The following CEMIP variants were observed in gnomAD, a reference collection of about 807,000 sequenced individuals.
The protein encoded by CEMIP is cell migration-inducing and hyaluronan-binding protein.
In CEMIP, 105 loss-of-function variants were observed where a neutral mutation model predicts 156.9. The observed-to-expected ratio is 0.67, with a 90% CI of 0.57 to 0.79. The LOEUF is 0.79. Among genes scored for constraint, CEMIP ranks in the 30% least tolerant of loss-of-function variants. The pLI is 0.00. For synonymous variants in CEMIP, 676 were observed against 668.4 expected, an observed-to-expected ratio of 1.01 and a Z score of -0.17; for missense variants, 1,457 against 1,769.4, an observed-to-expected ratio of 0.82 and a Z score of 3.17.
At chr15:80,923,996 T>G (rs1314927693) in intron 17 of CEMIP, among the ~76,000 whole-genome samples, 1 of 152,176 alleles carries the variant, frequency 6.6e-6, no homozygotes, top group Non-Finnish European at 1.5e-5. Context: ...AATCTGAGTA[T>G]GAGCATTCAC....
At chr15:80,941,510 A>G (rs1414052457) in intron 25 of CEMIP, among the ~76,000 whole-genome samples, 1 of 152,164 alleles carries the variant, frequency 6.6e-6, no homozygotes, top group Non-Finnish European at 1.5e-5. Flanking sequence ...CACTTCTCTG[A>G]GCCACCATTT....
Position 80,887,709 on chromosome 15 carries a change from T to C in CEMIP, c.813T>C (p.Phe271=), listed in dbSNP as rs767393035. The part of the protein sequence containing the change: ...LHLGFRHPWS[F]LTVKGNPSSS... The stretch of plus-strand genomic sequence containing the variant: ...TTTTTTTCAGACACCCTTGGAGTTT[T>C]CTAACTGTGAAAGGAAATCCATCAT... The change falls in exon 8 of 30, where the codon TTT becomes TTC. Residue 271 remains phenylalanine (F), a synonymous_variant. Transcript: ENST00000394685. The C allele has an allele frequency of 6.2e-7, 1 of 1,612,854 alleles. No individual in the cohort carries two copies. The highest frequency in any genetic ancestry group is 8.5e-7 in the Non-Finnish European group (1 of 1,179,754).
Position 80,937,976 on chromosome 15 carries a change from C to A in CEMIP, c.3404C>A (p.Ser1135Ter). The change falls in exon 25 of 30, where the codon TCA becomes TAA. Residue 1135 changes from serine to a stop codon, truncating the protein, a stop_gained. Coordinates refer to ENST00000394685, the MANE Select transcript of CEMIP (RefSeq NM_001293298.2). LOFTEE classifies it high-confidence loss of function. ...AGCCACTACTACTGGGACGAGGACTCAGGGTGAGCAGGCGCCCACTTGGCT... is the reference window on the plus strand; with the variant it reads ...AGCCACTACTACTGGGACGAGGACTAAGGGTGAGCAGGCGCCCACTTGGCT... The part of the protein sequence containing the change: ...GRSHYYWDED[S>*]GLLFLKLKAQ... The A allele has an allele frequency of 6.2e-7, 1 of 1,613,284 alleles. No homozygotes were observed. Among genetic ancestry groups the A allele is most frequent in the Non-Finnish European group, 8.5e-7 (1 of 1,179,626 alleles).
At chr15:80,926,821 G>C (rs797012792) in intron 19 of CEMIP, among the ~76,000 whole-genome samples, 1 of 108,810 alleles carries the variant, frequency 9.2e-6, no homozygotes, top group African/African-American at 5.0e-5. Flanking sequence ...TGAGCGGGTG[G>C]GGGGGGGGGG....
chr15:80,879,564 G>T (rs981661798), intron 4 of CEMIP, 152 bp from the exon 5 acceptor site: 8 of 899,342 alleles, frequency 8.9e-6, no homozygotes, highest in Admixed American at 7.5e-5. Context: ...GACTTTACTT[G>T]TAAGTACACC....
At chr15:80,943,420 C>T (rs990440970) in intron 28 of CEMIP, among the ~76,000 whole-genome samples, 1 of 152,256 alleles carries the variant, frequency 6.6e-6, no homozygotes, top group Non-Finnish European at 1.5e-5. Flanking sequence ...CAATACGATC[C>T]AAGTGCTGGT....
At chr15:80,909,757 TG>T in intron 14 of CEMIP, 1 of 398,430 alleles carries the variant, frequency 2.5e-6, no homozygotes, top group South Asian at 1.8e-5. Flanking sequence ...CAAGTGCTGC[TG>T]GGAGAAATAC....
intron 17 of CEMIP, among the ~76,000 whole-genome samples, chr15:80,923,857 C>T (rs1900560991): frequency 6.6e-6 from 1 of 152,160 alleles, no homozygotes; most frequent in African/African-American, 2.4e-5. Flanking sequence ...GGGACTTGCC[C>T]AGTCATAGTT....
rs149538983 is a variant in CEMIP, at chr15:80,864,160, C to T, written c.-175-9378C>T. Among the ~76,000 whole-genome samples the T allele has an allele frequency of 3.1e-3, 472 of 152,322 alleles. 2 individuals carry two copies. The highest frequency in any genetic ancestry group is 3.3e-3 in the Non-Finnish European group (225 of 68,036). On this transcript the variant is annotated intron_variant, in intron 1 of 29. Coordinates refer to ENST00000394685, the MANE Select transcript of CEMIP (RefSeq NM_001293298.2). ...TGCTAGAAGGCTTACTGTTCCAGGACCCCAGGACTCTGGCTTGGTGCATCT... is the reference window on the plus strand; with the variant it reads ...TGCTAGAAGGCTTACTGTTCCAGGATCCCAGGACTCTGGCTTGGTGCATCT...
chr15:80,905,341 A>G (rs1345653980), intron 12 of CEMIP, among the ~76,000 whole-genome samples: 1 of 152,238 alleles, frequency 6.6e-6, no homozygotes, highest in Non-Finnish European at 1.5e-5. Context: ...CCAGGTCAGC[A>G]ACCTCAGTGA....
At chr15:80,922,306 C>G (rs1400063353) in intron 17 of CEMIP, among the ~76,000 whole-genome samples, 169 bp downstream of exon 17, 1 of 152,232 alleles carries the variant, frequency 6.6e-6, no homozygotes, top group African/African-American at 2.4e-5. Flanking sequence ...AGGCCATTGG[C>G]CACATTCTTC....
intron 19 of CEMIP, 125 bp from the exon 20 acceptor site, chr15:80,928,777 A>C: frequency 8.3e-7 from 1 of 1,209,320 alleles, no homozygotes. Context: ...CTGCTTATGT[A>C]GAGACTCCTT....
At chr15:80,866,633 A>T (rs1348752325) in intron 1 of CEMIP, among the ~76,000 whole-genome samples, 2 of 137,056 alleles carry the variant, frequency 1.5e-5, no homozygotes, top group South Asian at 2.3e-4. Context: ...ATAAATAAAT[A>T]AAATAAGCCA....
intron 5 of CEMIP, among the ~76,000 whole-genome samples, chr15:80,880,178 A>T (rs1050683047): frequency 3.9e-5 from 6 of 152,218 alleles, no homozygotes. Flanking sequence ...GATACAGGAA[A>T]ATTCCATGTG....
At chr15:80,832,711 T>G (rs993206282) in intron 1 of CEMIP, among the ~76,000 whole-genome samples, 15 of 152,170 alleles carry the variant, frequency 9.9e-5, no homozygotes, top group African/African-American at 3.6e-4. Flanking sequence ...TCTGGAAAAT[T>G]CACATTAAAA....
chr15:80,790,788 C>A (rs1202274154), intron 1 of CEMIP, among the ~76,000 whole-genome samples: 2 of 152,198 alleles, frequency 1.3e-5, no homozygotes, highest in Admixed American at 6.5e-5. Flanking sequence ...CGAATGCACT[C>A]ATCATTGACC....
At chr15:80,948,620 C>T in intron 29 of CEMIP, 177 bp from the exon 30 acceptor site, 1 of 833,174 alleles carries the variant, frequency 1.2e-6, no homozygotes, top group Non-Finnish European at 2.0e-6. Flanking sequence ...CCCATACAAA[C>T]ACATGTCAGG....
intron 3 of CEMIP, among the ~76,000 whole-genome samples, chr15:80,877,435 C>T (rs1898512520): frequency 6.6e-6 from 1 of 152,150 alleles, no homozygotes; most frequent in Non-Finnish European, 1.5e-5. Context: ...TGCACGTCAC[C>T]TTCCCACCTC....
At chr15:80,866,078 A>G (rs371257725) in intron 1 of CEMIP, among the ~76,000 whole-genome samples, 1 of 152,334 alleles carries the variant, frequency 6.6e-6, no homozygotes, top group South Asian at 2.1e-4. Flanking sequence ...CTTTGGAACC[A>G]TCCCTCCCCT....
Sources: gnomAD v4.1 joint callset for allele counts (sites outside exome capture counted in the v4.1 genomes callset) on GRCh38, gnomAD v4.1.1 for gene constraint, MANE v1.5 for transcripts, NCBI Gene and HGNC (gene_info 2026-07-23, HGNC 2026-07-21) for gene names.